The following ERCC6 variants were observed in gnomAD, a reference collection of about 807,000 sequenced individuals.
ERCC6 encodes the protein ERCC excision repair 6, chromatin remodeling factor, also known as DNA excision repair protein ERCC-6.
In ERCC6, 116 loss-of-function variants were observed where a neutral mutation model predicts 158.7. That is an observed-to-expected ratio of 0.73 (90% CI 0.63 to 0.85). The LOEUF (loss-of-function observed/expected upper bound fraction) is 0.85. ERCC6 is among the 40% of genes least tolerant of loss of function. The pLI is 0.00. For synonymous variants in ERCC6, 678 were observed against 659.3 expected, an observed-to-expected ratio of 1.03 and a Z score of -0.43; for missense variants, 1,698 against 1,799.4, an observed-to-expected ratio of 0.94 and a Z score of 1.02.
chr10:49,465,693 T>G (rs2132531778), intron 18 of ERCC6, among the ~76,000 whole-genome samples: 1 of 152,292 alleles, frequency 6.6e-6, no homozygotes, highest in East Asian at 1.9e-4. Flanking sequence ...TTATATGAGA[T>G]CTGATGGTTT....
rs372128351 is a variant in ERCC6 at position 49,478,431 on chromosome 10, T to C, written c.2209A>G (p.Thr737Ala). 6 of 1,613,850 alleles carry C rather than the reference T, an allele frequency of 3.7e-6. No individual in the cohort carries two copies. In the African/African-American group the frequency reaches 6.7e-5, roughly 18 times the overall value. ...CTCCGCAGTAGGTATGGATTTATGG[T>C]ATCTCGTAAGACACATGCACACTTG... ...AYKCACVLRD[T>A]INPYLLRRMK... The change falls in exon 11 of 21, where the codon ACC becomes GCC. Residue 737 changes from threonine to alanine, a missense_variant. Coordinates refer to ENST00000355832, the MANE Select transcript of ERCC6 (RefSeq NM_000124.4).
chr10:49,524,647 T>C lies in ERCC6; in HGVS notation c.783A>G (p.Arg261=), dbSNP rs1837266991. The part of the protein sequence containing the change: ...QIPQKQEKKP[R]KIMLNEASGF... ...CTGATGCTTCATTAAGCATGATTTT[T>C]CTGGGCTTTTTCTCCTGTTTCTGAG... The change falls in exon 5 of 21, where the codon AGA becomes AGG. Residue 261 remains arginine (R), a synonymous_variant. Transcript: ENST00000355832. 1.9e-6 allele frequency: 3 copies of C among 1,614,074 alleles called. No homozygotes were observed. Among genetic ancestry groups the C allele is most frequent in the Admixed American group, 3.3e-5 (2 of 60,012 alleles).
chr10:49,538,329 T>C (rs553375571), intron 1 of ERCC6, among the ~76,000 whole-genome samples: 437 of 152,204 alleles, frequency 2.9e-3, no homozygotes, highest in African/African-American at 9.8e-3. Context: ...CCCAGTGCAA[T>C]GGAATGACTC....
chr10:49,537,379 T>C (rs530915529), intron 1 of ERCC6, among the ~76,000 whole-genome samples: 1 of 150,966 alleles, frequency 6.6e-6, no homozygotes, highest in South Asian at 2.1e-4. Context: ...AAATCATACA[T>C]TTAACAAATA....
chr10:49,479,901 T>A (rs1329441947), intron 10 of ERCC6, among the ~76,000 whole-genome samples: 1 of 152,208 alleles, frequency 6.6e-6, no homozygotes. Context: ...TAGATTTCTC[T>A]ACCAATGCTC....
At position 49,478,413 on chromosome 10, in the gene ERCC6, G is replaced by A. The variant is rs1188503060; in HGVS notation, c.2227C>T (p.Leu743=). ...VLRDTINPYL[L]RRMKSDVKMS... is the part of the protein sequence containing the mutation. Reference sequence around the variant, plus strand: ...TTGACATCTGACTTCATTCTCCGCAGTAGGTATGGATTTATGGTATCTCGT... The same window carrying A: ...TTGACATCTGACTTCATTCTCCGCAATAGGTATGGATTTATGGTATCTCGT... Residue 743 remains leucine (L), a synonymous_variant, in exon 11 of 21, where the codon CTG becomes TTG. Transcript: ENST00000355832. 6.2e-7 allele frequency: 1 copy of A among 1,613,968 alleles called. No homozygotes were observed.
At position 49,478,481 on chromosome 10, in the gene ERCC6, A is replaced by G. The variant is rs1850917690; in HGVS notation, c.2170-11T>C. On this transcript the variant is annotated splice_polypyrimidine_tract_variant and intron_variant, in intron 10 of 20. Transcript: ENST00000355832. Reference sequence around the variant, plus strand: ...GTAAGCAGTTTTGACCTTTAATAAGAGCAGAGAAGGGAACATTACTATATA... The same window carrying G: ...GTAAGCAGTTTTGACCTTTAATAAGGGCAGAGAAGGGAACATTACTATATA... The G allele has an allele frequency of 1.3e-6, 2 of 1,501,078 alleles. No homozygotes were observed. The highest frequency in any genetic ancestry group is 9.3e-7 in the Non-Finnish European group (1 of 1,078,434). 93.0% of individuals were successfully genotyped at this position (1,501,078 alleles called of 1,614,324 possible).
At chr10:49,435,956 C>G in the ERCC6 span, among the ~76,000 whole-genome samples, 9,802 of 150,378 alleles carry the variant, frequency 0.065, 433 homozygotes, top group Middle Eastern at 0.11. Context: ...GAGCCGAGAT[C>G]GTGCCACTGT....
the ERCC6 span, among the ~76,000 whole-genome samples, chr10:49,439,734 C>A: frequency 6.6e-6 from 1 of 152,320 alleles, no homozygotes; most frequent in East Asian, 1.9e-4. Flanking sequence ...ATGCCTTTAA[C>A]AGCCTCCAAG....
chr10:49,469,393 T>C (rs576318272), intron 18 of ERCC6, among the ~76,000 whole-genome samples: 3 of 152,112 alleles, frequency 2.0e-5, no homozygotes, highest in Non-Finnish European at 4.4e-5. Flanking sequence ...AATGTATGCA[T>C]AGATGGGTGT....
At chr10:49,536,183 T>C (rs1564448789) in intron 1 of ERCC6, among the ~76,000 whole-genome samples, 1 of 151,924 alleles carries the variant, frequency 6.6e-6, no homozygotes, top group African/African-American at 2.4e-5. Flanking sequence ...TGAAATGTAG[T>C]TGGTGTGTAA....
intron 7 of ERCC6, among the ~76,000 whole-genome samples, chr10:49,493,798 G>T (rs1025704938): frequency 1.3e-5 from 2 of 152,210 alleles, no homozygotes; most frequent in East Asian, 1.9e-4. Flanking sequence ...CTGCCTAGCA[G>T]CCAGTCTTCA....
In ERCC6 at chr10:49,483,526, C is replaced by A. The variant is rs745333287; in HGVS notation, c.1822-10G>T. 9 of 1,613,566 alleles carry A rather than the reference C, an allele frequency of 5.6e-6. No individual in the cohort carries two copies. The highest frequency in any genetic ancestry group is 7.6e-6 in the Non-Finnish European group (9 of 1,179,838). ...CTCGAATTAGTTTCTCCTGAGACCACAATAAAATGGTAAAGTCAGTTTTAA... is the reference window on the plus strand; with the variant it reads ...CTCGAATTAGTTTCTCCTGAGACCAAAATAAAATGGTAAAGTCAGTTTTAA... On this transcript the variant is annotated splice_polypyrimidine_tract_variant and intron_variant, in intron 8 of 20. Transcript: ENST00000355832.
chr10:49,536,733 G>A (rs185903947), intron 1 of ERCC6, among the ~76,000 whole-genome samples: 206 of 152,198 alleles, frequency 1.4e-3, no homozygotes, highest in Non-Finnish European at 2.2e-3. Flanking sequence ...AATCTCCAGG[G>A]CTGAACAATC....
rs1254296767 is a variant in ERCC6, at chr10:49,473,543, G to T, written c.2643C>A (p.Thr881=). 3.1e-6 allele frequency: 5 copies of T among 1,613,266 alleles called. No homozygotes were observed. The South Asian group carries it at 5.5e-5, about 18-fold the overall frequency. The part of the protein sequence containing the change: ...LEVFLRAQKY[T]YLKMDGTTTI... ...TAGTGGTACCATCCATCTTGAGATA[G>T]GTATACTTTTGGGCTCTAAGGAATA... The change falls in exon 14 of 21, where the codon ACC becomes ACA. Residue 881 remains threonine (T), a synonymous_variant. Transcript: ENST00000355832.
chr10:49,532,268 C>T (rs948279288), intron 2 of ERCC6, among the ~76,000 whole-genome samples: 24 of 152,286 alleles, frequency 1.6e-4, no homozygotes, highest in African/African-American at 4.8e-4. Flanking sequence ...ACTTTGTGCA[C>T]ATGCTGGTGA....
chr10:49,501,657 G>C (rs1302176232), intron 6 of ERCC6: 1 of 152,056 alleles, frequency 6.6e-6, no homozygotes, highest in African/African-American at 2.4e-5. Flanking sequence ...AAAACCACTT[G>C]AATTAAAAGA....
rs1181562384 is a variant in ERCC6 at position 49,524,036 on chromosome 10, A to G, written c.1394T>C (p.Leu465Ser). The change falls in exon 5 of 21, where the codon TTA (leucine) becomes TCA (serine). Residue 465 changes from leucine to serine, a missense_variant. By Grantham distance (145) the Leu-to-Ser change is moderately radical. Transcript: ENST00000355832. ...DGDEDYYKQR[L>S]RRWNKLRLQD... is the part of the protein sequence containing the mutation. Reference sequence around the variant, plus strand: ...TTTATAATCCCCACAGACCGACCTTAACCGCTGCTTATAATAATCTTCATC... The same window carrying G: ...TTTATAATCCCCACAGACCGACCTTGACCGCTGCTTATAATAATCTTCATC... 6.2e-7 allele frequency: 1 copy of G among 1,613,206 alleles called. No individual in the cohort carries two copies. Among genetic ancestry groups the G allele is most frequent in the Non-Finnish European group, 8.5e-7 (1 of 1,179,984 alleles).
chr10:49,503,195 GA>G (rs1425949365), intron 6 of ERCC6: 1 of 152,098 alleles, frequency 6.6e-6, no homozygotes, highest in African/African-American at 2.4e-5. Flanking sequence ...GAGCAGTTGA[GA>G]AATTATTAAA....
Sources: allele counts gnomAD v4.1 joint callset (sites outside exome capture counted in the v4.1 genomes callset), GRCh38; gene constraint gnomAD v4.1.1; transcripts MANE v1.5; gene names NCBI Gene and HGNC (gene_info 2026-07-23, HGNC 2026-07-21).